APC: variants seen among roughly 807,000 people sequenced by gnomAD.
APC encodes APC regulator of Wnt signaling pathway, also known as adenomatous polyposis coli protein.
A neutral mutation model predicts 247.0 loss-of-function variants in APC; 72 were observed. The ratio of observed to expected loss-of-function variants is 0.29; its 90% CI spans 0.24 to 0.35. APC has a LOEUF of 0.35. Among genes scored for constraint, APC ranks in the 10% least tolerant of loss-of-function variants. The probability of loss-of-function intolerance (pLI) is 1.00; values close to 1 mark genes in which losing one functional copy is unlikely to be tolerated. For missense variants in APC, 3,400 were observed against 3,360.7 expected, an observed-to-expected ratio of 1.01 and a Z score of -0.29; for synonymous variants, 1,254 against 1,162.5, an observed-to-expected ratio of 1.08 and a Z score of -1.60.
chr5:112,792,330 T>C, intron 6 of APC, 116 bp from the exon 7 acceptor site: 1 of 669,888 alleles, frequency 1.5e-6, no homozygotes, highest in East Asian at 3.1e-5. Context: ...GTCTAGCTTT[T>C]TAAATGAGAA....
At chr5:112,761,717 A>G (rs1385723030) in intron 2 of APC, among the ~76,000 whole-genome samples, 2 of 152,234 alleles carry the variant, frequency 1.3e-5, no homozygotes, top group African/African-American at 2.4e-5. Flanking sequence ...CCAAAGCACC[A>G]TATATAGAAA....
intron 4 of APC, among the ~76,000 whole-genome samples, chr5:112,769,520 TG>T (rs71593230): frequency 0.4 from 60,701 of 151,676 alleles, 14,592 homozygotes; most frequent in East Asian, 0.65. Context: ...CTTCGTCAAA[TG>T]TTTTATGTCC....
chr5:112,811,798 T>C (rs989072764), intron 8 of APC, among the ~76,000 whole-genome samples: 2 of 152,242 alleles, frequency 1.3e-5, no homozygotes, highest in South Asian at 4.1e-4. Flanking sequence ...TTAACAGCAT[T>C]AGTAGACATT....
rs1342081095 is a variant in APC, at chr5:112,771,019, TG to T, written c.422+3630del. Among the ~76,000 whole-genome samples the T allele has an allele frequency of 3.6e-4, 55 of 152,142 alleles. 1 individual carries two copies. The highest frequency in any genetic ancestry group is 1.0e-3 in the African/African-American group (42 of 41,458). ...CATACTATATATATTTAAGTCTTCA[TG>T]TTTTTTTATTCTGTAAATTAAGCAT... On this transcript the variant is annotated intron_variant, in intron 4 of 15. Transcript: ENST00000257430.
chr5:112,814,044 T>C (rs1431125178), intron 8 of APC, among the ~76,000 whole-genome samples: 1 of 152,198 alleles, frequency 6.6e-6, no homozygotes, highest in Non-Finnish European at 1.5e-5. Flanking sequence ...AAATATTCTG[T>C]GGATACCTAC....
In APC at chr5:112,839,185, C is replaced by T. The variant is rs1765464418; in HGVS notation, c.3591C>T (p.Phe1197=). The T allele has an allele frequency of 6.2e-7, 1 of 1,614,104 alleles. No individual in the cohort carries two copies. The highest frequency in any genetic ancestry group is 2.2e-5 in the East Asian group (1 of 44,878). Residue 1197 remains phenylalanine, a synonymous_variant, in exon 16 of 16, where the codon TTC becomes TTT. Coordinates refer to ENST00000257430, the MANE Select transcript of APC (RefSeq NM_000038.6). The surrounding 1 kb of genome is among the most constrained non-coding windows in gnomAD (Gnocchi z 5.0). ...CATCACAGAAACAGTCATTTTCATT[C>T]TCAAAGAGTTCATCTGGACAAAGCA... ...IPSSQKQSFS[F]SKSSSGQSSK... is the part of the protein sequence containing the mutation.
At chr5:112,828,225 G>A (rs1010299071) in intron 13 of APC, among the ~76,000 whole-genome samples, 1 of 151,770 alleles carries the variant, frequency 6.6e-6, no homozygotes, top group African/African-American at 2.4e-5. Context: ...ATAGAGACGG[G>A]GTTTCACCAC....
chr5:112,825,877 G>C (rs541922958), intron 11 of APC, among the ~76,000 whole-genome samples: 2 of 152,126 alleles, frequency 1.3e-5, no homozygotes, highest in Non-Finnish European at 2.9e-5. Flanking sequence ...TCTTCATAAA[G>C]ACAGTGACTG....
At chr5:112,711,799 C>T (rs1750869044) in intron 1 of APC, among the ~76,000 whole-genome samples, 1 of 152,192 alleles carries the variant, frequency 6.6e-6, no homozygotes, top group Non-Finnish European at 1.5e-5. Context: ...TTGAAGAGTG[C>T]TTTGTCATGT....
chr5:112,719,996 G>C (rs17286230), intron 1 of APC, among the ~76,000 whole-genome samples: 27 of 152,068 alleles, frequency 1.8e-4, no homozygotes, highest in African/African-American at 6.5e-4. Flanking sequence ...TACAATTTGC[G>C]TTTGAATTCT....
intron 2 of APC, among the ~76,000 whole-genome samples, chr5:112,764,245 C>CA (rs71683434): frequency 0.013 from 1,416 of 105,080 alleles, 29 homozygotes; most frequent in African/African-American, 0.041. Context: ...GACTCCGTCT[C>CA]AAAAAAAAAA....
At chr5:112,749,650 G>A (rs1041971276) in intron 1 of APC, among the ~76,000 whole-genome samples, 2 of 151,858 alleles carry the variant, frequency 1.3e-5, no homozygotes, top group African/African-American at 4.8e-5. Flanking sequence ...ACCATGCCCG[G>A]CTAATTTTTG....
chr5:112,724,752 A>G (rs140140013), intron 1 of APC, among the ~76,000 whole-genome samples: 342 of 152,262 alleles, frequency 2.2e-3, no homozygotes, highest in Non-Finnish European at 3.4e-3. Context: ...ATGAAATGGT[A>G]TAGTGATTTG....
At chr5:112,797,218 A>G (rs937309574) in intron 7 of APC, among the ~76,000 whole-genome samples, 1 of 152,208 alleles carries the variant, frequency 6.6e-6, no homozygotes, top group African/African-American at 2.4e-5. Flanking sequence ...ATGTAAGCCA[A>G]AGGAAGGTGC....
At chr5:112,727,127 G>T (rs894268114) in intron 1 of APC, among the ~76,000 whole-genome samples, 2 of 151,900 alleles carry the variant, frequency 1.3e-5, no homozygotes, top group Non-Finnish European at 2.9e-5. Context: ...CTTAGGGGTA[G>T]TCAGGTGATC....
intron 15 of APC, among the ~76,000 whole-genome samples, chr5:112,836,181 C>CCCAA (rs1179027140): frequency 4.9e-5 from 4 of 81,094 alleles, no homozygotes; most frequent in Non-Finnish European, 5.9e-5. Context: ...CCCCCCCCCG[C>CCCAA]CACCGTGCCC....
chr5:112,806,350 A>T (rs540832733), intron 8 of APC, among the ~76,000 whole-genome samples: 4 of 152,300 alleles, frequency 2.6e-5, no homozygotes, highest in African/African-American at 7.2e-5. Context: ...TTTCATACCC[A>T]CACAGTCCCT....
intron 8 of APC, among the ~76,000 whole-genome samples, chr5:112,807,394 A>G (rs1761529687): frequency 6.6e-6 from 1 of 152,144 alleles, no homozygotes; most frequent in Admixed American, 6.5e-5. Context: ...CTTGTGAATC[A>G]GCCATATATA....
In APC at chr5:112,830,142, CT is replaced by C. The variant is rs140520613; in HGVS notation, c.1743+1172del. Among the ~76,000 whole-genome samples, 1,404 of 151,792 alleles carry C rather than the reference CT, an allele frequency of 9.2e-3. 22 individuals are homozygous for C. The highest frequency in any genetic ancestry group is 0.033 in the African/African-American group (1,351 of 41,362). ...TTTTGGTAAAGTATATTATTTTGTT[CT>C]TGGAAAACCCTTGAAAATTTATTAG... On this transcript the variant is annotated intron_variant, in intron 14 of 15. Transcript: ENST00000257430.
Sources: gnomAD v4.1 joint callset for allele counts (sites outside exome capture counted in the v4.1 genomes callset) on GRCh38, gnomAD v4.1.1 for gene constraint, Gnocchi (gnomAD v3.1) non-coding constraint, MANE v1.5 for transcripts, NCBI Gene and HGNC (gene_info 2026-07-23, HGNC 2026-07-21) for gene names.